The following POC1B variants were observed in gnomAD, a reference collection of about 807,000 sequenced individuals.
POC1B encodes the protein POC1 centriolar protein B.
POC1B carries 44 observed loss-of-function variants against 60.6 expected under a neutral mutation model. That is an observed-to-expected ratio of 0.73 (90% CI 0.57 to 0.93). POC1B has a LOEUF of 0.93. POC1B is among the 40% of genes least tolerant of loss of function. The probability of loss-of-function intolerance (pLI) is 0.00; values close to 1 mark genes in which losing one functional copy is unlikely to be tolerated. For synonymous variants in POC1B, 180 were observed against 198.9 expected, an observed-to-expected ratio of 0.90 and a Z score of 0.80; for missense variants, 555 against 572.3, an observed-to-expected ratio of 0.97 and a Z score of 0.31.
At chr12:89,481,254 C>T (rs1172034806) in intron 4 of POC1B, among the ~76,000 whole-genome samples, 1 of 152,192 alleles carries the variant, frequency 6.6e-6, no homozygotes, top group African/African-American at 2.4e-5. Flanking sequence ...TGTCAGGTTC[C>T]ACTAACTCCT....
In POC1B at chr12:89,420,878, T is replaced by C. The variant is rs1243443951; in HGVS notation, c.*275A>G. 4 of 295,458 alleles carry C rather than the reference T, an allele frequency of 1.4e-5. No individual in the cohort carries two copies. Among genetic ancestry groups the C allele is most frequent in the African/African-American group, 2.2e-5 (1 of 46,334 alleles). 18.3% of individuals were successfully genotyped at this position (295,458 alleles called of 1,614,324 possible). ...ATGAAAATGGACATTTAAAATAATA[T>C]GGGGAAAATACAGAGTTGCTTGAAT... On this transcript the variant is annotated 3_prime_UTR_variant, in exon 12 of 12. Coordinates refer to ENST00000313546, the MANE Select transcript of POC1B (RefSeq NM_172240.3).
intron 2 of POC1B, 107 bp downstream of exon 2, chr12:89,525,013 T>G (rs542328776): frequency 6.6e-7 from 1 of 1,506,838 alleles, no homozygotes; most frequent in South Asian, 1.2e-5. Flanking sequence ...TCAACCCTCA[T>G]ACAGGCCCTT....
intron 2 of POC1B, chr12:89,524,179 C>T (rs774089086): frequency 1.2e-6 from 2 of 1,613,972 alleles, no homozygotes; most frequent in South Asian, 1.1e-5. Context: ...CTGGGACTTA[C>T]ACTCATACAT....
chr12:89,441,304 A>G (rs1321804924), intron 10 of POC1B, among the ~76,000 whole-genome samples: 1 of 152,206 alleles, frequency 6.6e-6, no homozygotes, highest in Non-Finnish European at 1.5e-5. Flanking sequence ...CTGAGAACAG[A>G]CAGATTGCCT....
At chr12:89,460,265 A>G (rs147571452) in intron 9 of POC1B, among the ~76,000 whole-genome samples, 112 of 152,290 alleles carry the variant, frequency 7.4e-4, no homozygotes, top group Non-Finnish European at 1.1e-3. Flanking sequence ...ACAATATCAA[A>G]GAAGTTTAAA....
At chr12:89,458,062 A>T (rs1882328209) in intron 10 of POC1B, among the ~76,000 whole-genome samples, 1 of 152,160 alleles carries the variant, frequency 6.6e-6, no homozygotes, top group African/African-American at 2.4e-5. Context: ...GCTTTGCAAA[A>T]CTTGAAGGGT....
the POC1B span, among the ~76,000 whole-genome samples, chr12:89,411,740 T>C: frequency 1.3e-5 from 2 of 152,328 alleles, no homozygotes; most frequent in Non-Finnish European, 2.9e-5. Flanking sequence ...TCACCAGTTG[T>C]GAGACTCTCC....
chr12:89,464,483 G>GTTTTTTTTTTTTTTTT (rs766668019), intron 9 of POC1B, among the ~76,000 whole-genome samples: 1 of 94,722 alleles, frequency 1.1e-5, no homozygotes, highest in Admixed American at 1.5e-4. Flanking sequence ...TTTTATAAGA[G>GTTTTTTTTTTTTTTTT]TTTTTTTTTT....
At position 89,526,012 on chromosome 12, in the gene POC1B, G is replaced by C; in HGVS notation, c.-117C>G. 6.5e-7 allele frequency: 1 copy of C among 1,539,226 alleles called. No individual in the cohort carries two copies. Among genetic ancestry groups the C allele is most frequent in the African/African-American group, 1.4e-5 (1 of 73,066 alleles). On this transcript the variant is annotated 5_prime_UTR_variant, in exon 1 of 12. Coordinates refer to ENST00000313546, the MANE Select transcript of POC1B (RefSeq NM_172240.3). ...CCGGAACCGTCTGCCCAGAGCGGCA[G>C]CGCCTCCCGGTCACTACAACAACGG... is the stretch of plus-strand genomic sequence containing the variant.
intron 10 of POC1B, among the ~76,000 whole-genome samples, chr12:89,448,722 T>C (rs1052308482): frequency 6.6e-6 from 1 of 152,238 alleles, no homozygotes; most frequent in African/African-American, 2.4e-5. Flanking sequence ...GCATGCCATA[T>C]GGCACACCTT....
chr12:89,504,145 G>A (rs1269888654), intron 2 of POC1B, among the ~76,000 whole-genome samples: 1 of 152,250 alleles, frequency 6.6e-6, no homozygotes, highest in African/African-American at 2.4e-5. Flanking sequence ...GATGACGATG[G>A]CGGTTTTGTG....
At position 89,482,514 on chromosome 12, in the gene POC1B, A is replaced by G. The variant is rs538775527; in HGVS notation, c.452+9422T>C. Reference sequence around the variant, plus strand: ...AACCATAAGAAAAATAGATAAAACCATACCTAGGCCCATTATGGTCAAATT... The same window carrying G: ...AACCATAAGAAAAATAGATAAAACCGTACCTAGGCCCATTATGGTCAAATT... On this transcript the variant is annotated intron_variant, in intron 4 of 11. Transcript: ENST00000313546. 8.5e-5 allele frequency among the ~76,000 whole-genome samples: 13 copies of G among 152,324 alleles called. 1 individual carries two copies. In the South Asian group the frequency reaches 2.7e-3, roughly 32 times the overall value.
intron 5 of POC1B, 23 bp from the exon 6 acceptor site, chr12:89,471,752 C>T: frequency 8.0e-7 from 1 of 1,249,718 alleles, no homozygotes; most frequent in South Asian, 1.3e-5. Flanking sequence ...AATAAGATGA[C>T]CTAATATTTC....
chr12:89,499,619 A>AT (rs143090619), intron 2 of POC1B, among the ~76,000 whole-genome samples: 11 of 151,784 alleles, frequency 7.2e-5, no homozygotes, highest in Non-Finnish European at 1.0e-4. Context: ...TAAGGAAAGG[A>AT]TTTTTTTTTA....
chr12:89,456,404 T>G (rs1882261380), intron 10 of POC1B, among the ~76,000 whole-genome samples: 1 of 152,216 alleles, frequency 6.6e-6, no homozygotes, highest in South Asian at 2.1e-4. Flanking sequence ...GGACATCCCG[T>G]GTAGCCACAC....
At chr12:89,443,197 G>C (rs1328278009) in intron 10 of POC1B, among the ~76,000 whole-genome samples, 2 of 152,156 alleles carry the variant, frequency 1.3e-5, no homozygotes, top group Non-Finnish European at 2.9e-5. Flanking sequence ...AGTTCAACAA[G>C]ACAGAAAGTT....
At chr12:89,432,032 G>T (rs1159780921) in intron 10 of POC1B, among the ~76,000 whole-genome samples, 2 of 151,882 alleles carry the variant, frequency 1.3e-5, no homozygotes, top group African/African-American at 4.8e-5. Flanking sequence ...TCCGTATAAG[G>T]ACCCTTGTGA....
chr12:89,511,382 CT>C (rs1383237424), intron 2 of POC1B, among the ~76,000 whole-genome samples: 1 of 150,704 alleles, frequency 6.6e-6, no homozygotes, highest in Non-Finnish European at 1.5e-5. Flanking sequence ...TGCCACTGCA[CT>C]CCAGCCTGGG....
chr12:89,409,929 A>G, the POC1B span, among the ~76,000 whole-genome samples: 129,909 of 152,148 alleles, frequency 0.85, 55,567 homozygotes, highest in East Asian at 0.98. Flanking sequence ...AATAGAAAAA[A>G]AGGGACTCCT....
Sources: gnomAD v4.1 joint callset for allele counts (sites outside exome capture counted in the v4.1 genomes callset) on GRCh38, gnomAD v4.1.1 for gene constraint, MANE v1.5 for transcripts, NCBI Gene and HGNC (gene_info 2026-07-23, HGNC 2026-07-21) for gene names.